Variants in CNTN4 observed in about 807,000 individuals in gnomAD.
CNTN4 encodes the protein contactin-4.
CNTN4 carries 77 observed loss-of-function variants against 122.5 expected under a neutral mutation model. The observed-to-expected ratio is 0.63, with a 90% CI of 0.52 to 0.76. The LOEUF (loss-of-function observed/expected upper bound fraction) is 0.76, where lower values mean the gene tolerates loss of function less well. Ranked by LOEUF, CNTN4 falls within the 30% of genes least tolerant of loss-of-function variation. The probability of loss-of-function intolerance (pLI) is 0.00; values close to 1 mark genes in which losing one functional copy is unlikely to be tolerated. For synonymous variants in CNTN4, 512 were observed against 447.0 expected, an observed-to-expected ratio of 1.15 and a Z score of -1.83; for missense variants, 1,256 against 1,259.1, an observed-to-expected ratio of 1.00 and a Z score of 0.04.
rs1240305518 is a variant in CNTN4 at position 2,571,531 on chromosome 3, C to T, written c.28C>T (p.Leu10=). The T allele has an allele frequency of 6.2e-7, 1 of 1,613,814 alleles. No homozygotes were observed. Residue 10 remains leucine (L), a synonymous_variant, in exon 4 of 25, where the codon CTG becomes TTG. Coordinates refer to ENST00000418658, the MANE Select transcript of CNTN4 (RefSeq NM_175607.3). MRLPWELLV[L]QSFILCLADD... ...GAGGTTGCCATGGGAACTGCTGGTACTGCAATCATTCATTTTGTGCCTTGC... is the reference window on the plus strand; with the variant it reads ...GAGGTTGCCATGGGAACTGCTGGTATTGCAATCATTCATTTTGTGCCTTGC...
chr3:3,011,349 G>A (rs865785748), intron 14 of CNTN4, among the ~76,000 whole-genome samples: 1 of 152,076 alleles, frequency 6.6e-6, no homozygotes, highest in East Asian at 1.9e-4. Flanking sequence ...GTTATTCACC[G>A]GTTATTAATC....
chr3:2,266,223 G>T (rs990247791), intron 2 of CNTN4, among the ~76,000 whole-genome samples: 1 of 151,944 alleles, frequency 6.6e-6, no homozygotes, highest in South Asian at 2.1e-4. Flanking sequence ...CCTTAATCAC[G>T]TTGAGGAATG....
intron 2 of CNTN4, among the ~76,000 whole-genome samples, chr3:2,311,158 A>T (rs1387300527): frequency 1.3e-5 from 2 of 152,088 alleles, no homozygotes; most frequent in African/African-American, 4.8e-5. Context: ...TGAATTTCTA[A>T]TTAAAGACTG....
chr3:2,502,061 T>C lies in CNTN4; in HGVS notation c.-88-69355T>C, dbSNP rs578240605. On this transcript the variant is annotated intron_variant, in intron 3 of 24. Transcript: ENST00000418658. ...ATCCAATCTCTAAGATATCCCATTA[T>C]GTATATGCAAATATTCCAAAATCCA... 5.3e-5 allele frequency among the ~76,000 whole-genome samples: 8 copies of C among 152,314 alleles called. No individual in the cohort carries two copies. The South Asian group carries it at 1.7e-3, about 32-fold the overall frequency.
intron 2 of CNTN4, among the ~76,000 whole-genome samples, chr3:2,120,351 T>TTATATATATATATATATATATAAATA (rs1302471193): frequency 5.7e-4 from 26 of 45,836 alleles, no homozygotes; most frequent in Non-Finnish European, 1.0e-3. Flanking sequence ...GGCATTTAGG[T>TTATATATATATATATATATATAAATA]TATATATATA....
intron 2 of CNTN4, among the ~76,000 whole-genome samples, chr3:2,177,772 C>G (rs567863245): frequency 6.6e-6 from 1 of 151,908 alleles, no homozygotes; most frequent in East Asian, 1.9e-4. Flanking sequence ...GGAGAATAAT[C>G]TCCTTTACTT....
At chr3:2,535,592 A>G (rs1009561163) in intron 3 of CNTN4, among the ~76,000 whole-genome samples, 1 of 152,072 alleles carries the variant, frequency 6.6e-6, no homozygotes, top group Non-Finnish European at 1.5e-5. Flanking sequence ...ATCCCAGTTC[A>G]TATGCTGCTT....
chr3:2,329,239 T>C (rs1412984522), intron 2 of CNTN4, among the ~76,000 whole-genome samples: 1 of 152,194 alleles, frequency 6.6e-6, no homozygotes, highest in Non-Finnish European at 1.5e-5. Context: ...TTCTCCTATA[T>C]GTCTATATTT....
chr3:2,585,725 T>TA (rs2080168666), intron 4 of CNTN4, among the ~76,000 whole-genome samples: 1 of 149,410 alleles, frequency 6.7e-6, no homozygotes, highest in African/African-American at 2.5e-5. Flanking sequence ...CATTAGGAGA[T>TA]ACACCTAATG....
intron 6 of CNTN4, among the ~76,000 whole-genome samples, chr3:2,811,459 A>G (rs1488360841): frequency 1.5e-5 from 2 of 132,928 alleles, no homozygotes; most frequent in Non-Finnish European, 3.5e-5. Flanking sequence ...TTTATTATTT[A>G]TTTATTTATT....
intron 12 of CNTN4, among the ~76,000 whole-genome samples, chr3:2,907,501 A>AG (rs2094249790): frequency 6.6e-6 from 1 of 151,570 alleles, no homozygotes; most frequent in South Asian, 2.1e-4. Context: ...TGAACCCGGG[A>AG]GGCAAAGGTT....
At chr3:2,737,102 A>T (rs1350318677) in intron 5 of CNTN4, among the ~76,000 whole-genome samples, 1 of 151,480 alleles carries the variant, frequency 6.6e-6, no homozygotes, top group Non-Finnish European at 1.5e-5. Context: ...ATTTTTCGAG[A>T]CAGGGTCTCC....
At chr3:2,323,575 G>A (rs2043345667) in intron 2 of CNTN4, among the ~76,000 whole-genome samples, 1 of 152,062 alleles carries the variant, frequency 6.6e-6, no homozygotes, top group Non-Finnish European at 1.5e-5. Context: ...GTCAAGTTGG[G>A]ATGTGCCCCC....
At chr3:2,652,704 G>A (rs2083417296) in intron 4 of CNTN4, among the ~76,000 whole-genome samples, 1 of 152,138 alleles carries the variant, frequency 6.6e-6, no homozygotes, top group Non-Finnish European at 1.5e-5. Flanking sequence ...ACAGGTCTCA[G>A]TGGAATCCTT....
At chr3:2,545,229 G>A (rs950366314) in intron 3 of CNTN4, among the ~76,000 whole-genome samples, 6 of 151,770 alleles carry the variant, frequency 4.0e-5, no homozygotes, top group Non-Finnish European at 2.9e-5. Context: ...TGCTATAGTT[G>A]TTGCTACAAT....
At chr3:2,358,753 A>C (rs1168074424) in intron 3 of CNTN4, among the ~76,000 whole-genome samples, 1 of 152,176 alleles carries the variant, frequency 6.6e-6, no homozygotes, top group Non-Finnish European at 1.5e-5. Context: ...ATGTCAATTT[A>C]TTGGTTATAT....
chr3:2,677,173 A>ATG (rs1553608952), intron 4 of CNTN4, among the ~76,000 whole-genome samples: 2 of 146,562 alleles, frequency 1.4e-5, no homozygotes, highest in East Asian at 3.9e-4. Context: ...AGATAGATAG[A>ATG]TGTGTATATA....
At chr3:2,424,928 T>C (rs886097860) in intron 3 of CNTN4, among the ~76,000 whole-genome samples, 1 of 152,220 alleles carries the variant, frequency 6.6e-6, no homozygotes, top group Non-Finnish European at 1.5e-5. Context: ...TTTGACTTAT[T>C]CTTGTAAATT....
intron 3 of CNTN4, among the ~76,000 whole-genome samples, chr3:2,461,170 A>G (rs567699303): frequency 5.5e-4 from 83 of 152,228 alleles, no homozygotes; most frequent in Non-Finnish European, 1.1e-3. Flanking sequence ...ACACAGATGA[A>G]TTGGTCATTT....
Sources: gnomAD v4.1 joint callset for allele counts (sites outside exome capture counted in the v4.1 genomes callset) on GRCh38, gnomAD v4.1.1 for gene constraint, MANE v1.5 for transcripts, NCBI Gene and HGNC (gene_info 2026-07-23, HGNC 2026-07-21) for gene names.